Variants in MTURN observed in about 807,000 individuals in gnomAD.
The protein encoded by MTURN is maturin.
A neutral mutation model predicts 14.9 loss-of-function variants in MTURN; 7 were observed. The ratio of observed to expected loss-of-function variants is 0.47; its 90% CI spans 0.27 to 0.88. The LOEUF is 0.88. Ranked by LOEUF, MTURN falls within the 40% of genes least tolerant of loss-of-function variation. The probability of loss-of-function intolerance (pLI) is 0.14; values close to 1 mark genes in which losing one functional copy is unlikely to be tolerated. For missense variants in MTURN, 151 were observed against 174.1 expected, an observed-to-expected ratio of 0.87 and a Z score of 0.75; for synonymous variants, 69 against 72.5, an observed-to-expected ratio of 0.95 and a Z score of 0.25.
chr7:30,142,536 G>A (rs953117505), intron 1 of MTURN, among the ~76,000 whole-genome samples: 4 of 152,182 alleles, frequency 2.6e-5, no homozygotes, highest in Non-Finnish European at 5.9e-5. Context: ...CGTCAGCTGG[G>A]AATTTGTTGG....
Position 30,161,520 on chromosome 7 carries a change from T to C in MTURN, c.*3972T>C, listed in dbSNP as rs1797374245. On this transcript the variant is annotated 3_prime_UTR_variant, in exon 3 of 3. Coordinates refer to ENST00000324453, the MANE Select transcript of MTURN (RefSeq NM_152793.3). ...GCCTGAGAAGCCTGTCTTTCCCAAATGCAGGCAGATCTGAGAGGGGCTCCA... is the reference window on the plus strand; with the variant it reads ...GCCTGAGAAGCCTGTCTTTCCCAAACGCAGGCAGATCTGAGAGGGGCTCCA... The C allele has an allele frequency of 1.3e-5, 2 of 152,222 alleles. No individual in the cohort carries two copies. The allele number at this position is 152,222 out of a possible 1,614,324, so 9.4% of individuals were successfully genotyped here.
rs967889537 is a variant in MTURN at position 30,160,242 on chromosome 7, C to A, written c.*2694C>A. ...CAAGGTGCTGCCTTTAGGATGCTGA[C>A]CCCTGCACTACCTTAGAACATGTTG... On this transcript the variant is annotated 3_prime_UTR_variant, in exon 3 of 3. Transcript: ENST00000324453. 6.6e-6 allele frequency: 1 copy of A among 152,314 alleles called. No individual in the cohort carries two copies. The highest frequency in any genetic ancestry group is 1.5e-5 in the Non-Finnish European group (1 of 68,098). The allele number at this position is 152,314 out of a possible 1,614,324, so 9.4% of individuals were successfully genotyped here.
intron 2 of MTURN, among the ~76,000 whole-genome samples, chr7:30,148,592 A>C (rs750271360): frequency 6.6e-6 from 1 of 152,210 alleles, no homozygotes; most frequent in Non-Finnish European, 1.5e-5. Flanking sequence ...TGGGACGGTC[A>C]CGGCAGAGGC....
In MTURN at chr7:30,161,487, A is replaced by T. The variant is rs949922206; in HGVS notation, c.*3939A>T. The T allele has an allele frequency of 6.6e-6, 1 of 152,246 alleles. No homozygotes were observed. The highest frequency in any genetic ancestry group is 1.5e-5 in the Non-Finnish European group (1 of 68,072). The allele number at this position is 152,246 out of a possible 1,614,324, so 9.4% of individuals were successfully genotyped here. A position where few individuals can be genotyped will look rare whatever the true frequency, so the allele number is the denominator to read the frequency against. ...TAGGGCTCTTTCCTTCAGTAAAACC[A>T]GCTGCCAGCCTGAGAAGCCTGTCTT... On this transcript the variant is annotated 3_prime_UTR_variant, in exon 3 of 3. Transcript: ENST00000324453.
chr7:30,144,216 T>A (rs955159767), intron 1 of MTURN, among the ~76,000 whole-genome samples: 2 of 152,276 alleles, frequency 1.3e-5, no homozygotes, highest in Non-Finnish European at 1.5e-5. Flanking sequence ...TTTAACTCTG[T>A]CATCTTCACA....
intron 2 of MTURN, among the ~76,000 whole-genome samples, chr7:30,148,836 A>C (rs1797165826): frequency 6.6e-6 from 1 of 152,200 alleles, no homozygotes; most frequent in Non-Finnish European, 1.5e-5. Context: ...TCAGTGTTTT[A>C]AATGCCTGTT....
intron 2 of MTURN, among the ~76,000 whole-genome samples, chr7:30,147,913 C>CACAT (rs1377176675): frequency 2.0e-5 from 3 of 152,192 alleles, no homozygotes; most frequent in South Asian, 2.1e-4. Context: ...CAGTCTGTCC[C>CACAT]ACATTCATTC....
At position 30,159,876 on chromosome 7, in the gene MTURN, CAGTG is replaced by C. The variant is rs1165144019; in HGVS notation, c.*2331_*2334del. The stretch of plus-strand genomic sequence containing the variant: ...GCTGTGCATGGTGCAAAGCTGCAGT[CAGTG>C]AGCCTGGCAGCCTGTGGTTTCTGTT... On this transcript the variant is annotated 3_prime_UTR_variant, in exon 3 of 3. Coordinates refer to ENST00000324453, the MANE Select transcript of MTURN (RefSeq NM_152793.3). The C allele has an allele frequency of 1.3e-5, 2 of 152,642 alleles. No individual in the cohort carries two copies. Among genetic ancestry groups the C allele is most frequent in the African/African-American group, 4.8e-5 (2 of 41,458 alleles). The allele number at this position is 152,642 out of a possible 1,614,324, so 9.5% of individuals were successfully genotyped here.
At chr7:30,137,913 T>A (rs1173278119) in intron 1 of MTURN, among the ~76,000 whole-genome samples, 38 of 151,924 alleles carry the variant, frequency 2.5e-4, no homozygotes, top group Admixed American at 2.5e-3. Context: ...ATTGAGGGTT[T>A]ACTTTGTGCC....
At chr7:30,154,168 A>G (rs1007728962) in intron 2 of MTURN, among the ~76,000 whole-genome samples, 2 of 152,142 alleles carry the variant, frequency 1.3e-5, no homozygotes, top group Non-Finnish European at 2.9e-5. Context: ...ATCGCCTTAC[A>G]TGCAGTCCAG....
chr7:30,145,899 G>C lies in MTURN; in HGVS notation c.163-278G>C, dbSNP rs1328076611. On this transcript the variant is annotated intron_variant, in intron 1 of 2. Coordinates refer to ENST00000324453, the MANE Select transcript of MTURN (RefSeq NM_152793.3). ...ACAGTGGAAATCATTGGTGAGGAATGGCCACCCACTGCCCTCTTTACTGTG... is the reference window on the plus strand; with the variant it reads ...ACAGTGGAAATCATTGGTGAGGAATCGCCACCCACTGCCCTCTTTACTGTG... The C allele has an allele frequency of 3.4e-5, 52 of 1,551,588 alleles. No homozygotes were observed. The East Asian group carries it at 1.3e-3, about 38-fold the overall frequency.
At position 30,135,094 on chromosome 7, in the gene MTURN, AGCGGGAGGGCGGGCGGCG is replaced by A; in HGVS notation, c.-34_-17del. On this transcript the variant is annotated 5_prime_UTR_variant, in exon 1 of 3. Coordinates refer to ENST00000324453, the MANE Select transcript of MTURN (RefSeq NM_152793.3). ...CCCGCCCGGGAGGAGGGCGCCTAGG[AGCGGGAGGGCGGGCGGCG>A]GCGGGAGGCGGGCGCGGGGCCGCGA... is the stretch of plus-strand genomic sequence containing the variant. The A allele has an allele frequency of 7.2e-7, 1 of 1,383,930 alleles. No homozygotes were observed. The highest frequency in any genetic ancestry group is 9.5e-7 in the Non-Finnish European group (1 of 1,052,728). The allele number at this position is 1,383,930 out of a possible 1,614,324, so 85.7% of individuals were successfully genotyped here. A position where few individuals can be genotyped will look rare whatever the true frequency, so the allele number is the denominator to read the frequency against.
In MTURN at chr7:30,135,207, C is replaced by T. The variant is rs867713469; in HGVS notation, c.71C>T (p.Thr24Ile). 7 of 1,513,114 alleles carry T rather than the reference C, an allele frequency of 4.6e-6. No individual in the cohort carries two copies. The South Asian group carries it at 4.9e-5, about 11-fold the overall frequency. The allele number at this position is 1,513,114 out of a possible 1,614,324, so 93.7% of individuals were successfully genotyped here. A position where few individuals can be genotyped will look rare whatever the true frequency, so the allele number is the denominator to read the frequency against. The change falls in exon 1 of 3, where the codon ACC becomes ATC. Residue 24 changes from threonine to isoleucine, a missense_variant. Transcript: ENST00000324453. ...AACACGCCCTTCGAGCTCATCGCCA[C>T]CGAGGAGACCGAACGCAGGATGGAT... ...CSNTPFELIA[T>I]EETERRMDFY...
At position 30,135,032 on chromosome 7, in the gene MTURN, G is replaced by C; in HGVS notation, c.-105G>C. On this transcript the variant is annotated 5_prime_UTR_variant, in exon 1 of 3. Transcript: ENST00000324453. ...GTCCCAGCCGGCCCAGCCCGGCCCCGGAGGAGCCCGCGCAGGCCGAGCCGA... is the reference window on the plus strand; with the variant it reads ...GTCCCAGCCGGCCCAGCCCGGCCCCCGAGGAGCCCGCGCAGGCCGAGCCGA... 1 of 1,010,250 alleles carries C rather than the reference G, an allele frequency of 9.9e-7. No individual in the cohort carries two copies. Among genetic ancestry groups the C allele is most frequent in the Non-Finnish European group, 1.2e-6 (1 of 824,048 alleles). The allele number at this position is 1,010,250 out of a possible 1,614,324, so 62.6% of individuals were successfully genotyped here.
intron 2 of MTURN, among the ~76,000 whole-genome samples, chr7:30,148,232 C>T (rs1291291082): frequency 6.6e-6 from 1 of 152,152 alleles, no homozygotes; most frequent in Non-Finnish European, 1.5e-5. Context: ...ACAGAGTGGG[C>T]CATGAGAAAA....
At chr7:30,146,549 T>TGGG (rs568761311) in intron 2 of MTURN, among the ~76,000 whole-genome samples, 3 of 151,516 alleles carry the variant, frequency 2.0e-5, no homozygotes, top group African/African-American at 4.9e-5. Context: ...GAATCCCTGA[T>TGGG]GGGGGGGGAA....
chr7:30,157,280 T>G (rs1170458161), intron 2 of MTURN, among the ~76,000 whole-genome samples, 158 bp from the exon 3 acceptor site: 2 of 152,236 alleles, frequency 1.3e-5, no homozygotes, highest in Non-Finnish European at 2.9e-5. Context: ...CATTTCCGTC[T>G]AACAAGTTTA....
rs1202737400 is a variant in MTURN at position 30,161,421 on chromosome 7, C to A, written c.*3873C>A. Reference sequence around the variant, plus strand: ...GCATGGCTTTGCCACTTTAAAAGTGCCCCCCAGCCAAGGAGACCAACAGGA... The same window carrying A: ...GCATGGCTTTGCCACTTTAAAAGTGACCCCCAGCCAAGGAGACCAACAGGA... On this transcript the variant is annotated 3_prime_UTR_variant, in exon 3 of 3. Transcript: ENST00000324453. 1 of 152,138 alleles carries A rather than the reference C, an allele frequency of 6.6e-6. No individual in the cohort carries two copies. The highest frequency in any genetic ancestry group is 2.4e-5 in the African/African-American group (1 of 41,412). 9.4% of individuals were successfully genotyped at this position (152,138 alleles called of 1,614,324 possible).
chr7:30,155,665 G>A (rs1432589181), intron 2 of MTURN, among the ~76,000 whole-genome samples: 3 of 152,196 alleles, frequency 2.0e-5, no homozygotes, highest in South Asian at 4.1e-4. Context: ...AGGGGCGAGC[G>A]TGTGTCTGCA....
Sources: gnomAD v4.1 joint callset for allele counts (sites outside exome capture counted in the v4.1 genomes callset) on GRCh38, gnomAD v4.1.1 for gene constraint, MANE v1.5 for transcripts, NCBI Gene and HGNC (gene_info 2026-07-23, HGNC 2026-07-21) for gene names.